ADAMTS12: variants seen among roughly 807,000 people sequenced by gnomAD.
ADAMTS12 encodes ADAM metallopeptidase with thrombospondin type 1 motif 12, also known as A disintegrin and metalloproteinase with thrombospondin motifs 12.
A neutral mutation model predicts 167.8 loss-of-function variants in ADAMTS12; 118 were observed. The observed-to-expected ratio is 0.70, with a 90% CI of 0.61 to 0.82. The LOEUF (loss-of-function observed/expected upper bound fraction) is 0.82. Among genes scored for constraint, ADAMTS12 ranks in the 40% least tolerant of loss-of-function variants. The pLI is 0.00. For missense variants in ADAMTS12, 1,916 were observed against 1,998.8 expected (o/e 0.96, Z 0.79); for synonymous variants, 704 against 716.9 (o/e 0.98, Z 0.29).
chr5:33,868,494 C>T (rs143086988), intron 2 of ADAMTS12, among the ~76,000 whole-genome samples: 102 of 152,310 alleles, frequency 6.7e-4, no homozygotes, highest in African/African-American at 2.3e-3. Context: ...TTTTGTTATA[C>T]ATTAGCAAAC....
intron 16 of ADAMTS12, among the ~76,000 whole-genome samples, chr5:33,598,716 C>G (rs1738036244): frequency 6.6e-6 from 1 of 152,184 alleles, no homozygotes; most frequent in South Asian, 2.1e-4. Flanking sequence ...GATATTAGTT[C>G]ATATTGCCTT....
intron 2 of ADAMTS12, among the ~76,000 whole-genome samples, chr5:33,790,484 C>T (rs1227715977): frequency 2.0e-5 from 3 of 148,592 alleles, no homozygotes; most frequent in South Asian, 2.1e-4. Flanking sequence ...ACCCAGGAGG[C>T]GGAGGTTGCA....
At chr5:33,676,715 G>C (rs959874903) in intron 5 of ADAMTS12, among the ~76,000 whole-genome samples, 17 of 99,734 alleles carry the variant, frequency 1.7e-4, no homozygotes, top group East Asian at 9.6e-4. Context: ...CACAGAGAGA[G>C]AGAGAGAGAG....
chr5:33,723,609 T>G (rs910406510), intron 3 of ADAMTS12, among the ~76,000 whole-genome samples: 1 of 152,172 alleles, frequency 6.6e-6, no homozygotes, highest in Non-Finnish European at 1.5e-5. Flanking sequence ...AAGTCACTTA[T>G]CTTCTCTGCT....
intron 22 of ADAMTS12, among the ~76,000 whole-genome samples, chr5:33,543,852 G>A (rs112034107): frequency 7.9e-4 from 120 of 152,188 alleles, no homozygotes; most frequent in Middle Eastern, 3.4e-3. Flanking sequence ...GGTACTGATG[G>A]AACGTATCTC....
intron 5 of ADAMTS12, among the ~76,000 whole-genome samples, chr5:33,666,651 A>C (rs10472876): frequency 0.34 from 50,941 of 151,744 alleles, 8,865 homozygotes; most frequent in African/African-American, 0.45. Flanking sequence ...CACCACCATG[A>C]CCAGCTAATT....
At chr5:33,633,393 G>C (rs560583765) in intron 12 of ADAMTS12, among the ~76,000 whole-genome samples, 1 of 150,592 alleles carries the variant, frequency 6.6e-6, no homozygotes, top group South Asian at 2.1e-4. Context: ...ACACATGTGT[G>C]TTGACTATAA....
chr5:33,570,080 G>C (rs1303709513), intron 19 of ADAMTS12, among the ~76,000 whole-genome samples: 1 of 152,228 alleles, frequency 6.6e-6, no homozygotes, highest in Non-Finnish European at 1.5e-5. Flanking sequence ...AAGCTTCCAA[G>C]AAATATGGGA....
chr5:33,848,071 G>A (rs532711215), intron 2 of ADAMTS12, among the ~76,000 whole-genome samples: 57 of 152,120 alleles, frequency 3.7e-4, no homozygotes, highest in African/African-American at 1.4e-3. Context: ...AAAAAAAGGA[G>A]CAGGGCATTG....
intron 19 of ADAMTS12, among the ~76,000 whole-genome samples, chr5:33,561,681 T>A (rs1404664244): frequency 6.6e-6 from 1 of 152,200 alleles, no homozygotes; most frequent in African/African-American, 2.4e-5. Context: ...CTTAGGAGGC[T>A]GAGTTGCTAG....
chr5:33,845,664 C>T (rs949034764), intron 2 of ADAMTS12, among the ~76,000 whole-genome samples: 6 of 152,168 alleles, frequency 3.9e-5, no homozygotes, highest in African/African-American at 1.4e-4. Flanking sequence ...AAAAGACTAA[C>T]TTTACAGGAG....
At chr5:33,806,920 C>G (rs543542526) in intron 2 of ADAMTS12, among the ~76,000 whole-genome samples, 2 of 152,338 alleles carry the variant, frequency 1.3e-5, no homozygotes, top group South Asian at 4.1e-4. Flanking sequence ...TGCCCGCACT[C>G]TAACTCCTGC....
intron 2 of ADAMTS12, among the ~76,000 whole-genome samples, chr5:33,823,543 G>T (rs1747941661): frequency 6.6e-6 from 1 of 152,154 alleles, no homozygotes; most frequent in African/African-American, 2.4e-5. Flanking sequence ...GAGAGGTAGT[G>T]GTGGGAGCTA....
At chr5:33,687,092 T>TTC in intron 3 of ADAMTS12, among the ~76,000 whole-genome samples, 1 of 151,290 alleles carries the variant, frequency 6.6e-6, no homozygotes, top group African/African-American at 2.4e-5. Context: ...ACATGAGTTT[T>TTC]TTTTTTTTAA....
intron 2 of ADAMTS12, among the ~76,000 whole-genome samples, chr5:33,769,943 C>A (rs1286087458): frequency 6.6e-6 from 1 of 152,124 alleles, no homozygotes; most frequent in African/African-American, 2.4e-5. Context: ...TATGTATATA[C>A]CCTTCTATAA....
At chr5:33,622,752 T>C (rs908060739) in intron 14 of ADAMTS12, among the ~76,000 whole-genome samples, 1 of 152,216 alleles carries the variant, frequency 6.6e-6, no homozygotes, top group African/African-American at 2.4e-5. Flanking sequence ...CTATAAATAA[T>C]GAAAAATATT....
At chr5:33,671,495 A>C (rs573048053) in intron 5 of ADAMTS12, among the ~76,000 whole-genome samples, 1 of 152,308 alleles carries the variant, frequency 6.6e-6, no homozygotes, top group South Asian at 2.1e-4. Flanking sequence ...ATGAACTCAA[A>C]ACAAACAGAA....
At chr5:33,588,375 C>A (rs1454225162) in intron 18 of ADAMTS12, among the ~76,000 whole-genome samples, 2 of 152,098 alleles carry the variant, frequency 1.3e-5, no homozygotes, top group Admixed American at 1.3e-4. Context: ...GTCTACCTCA[C>A]CCCTGTCAGA....
chr5:33,696,799 G>A (rs1742795997), intron 3 of ADAMTS12, among the ~76,000 whole-genome samples: 2 of 152,164 alleles, frequency 1.3e-5, no homozygotes, highest in Admixed American at 6.5e-5. Flanking sequence ...TATCAATACT[G>A]ACAAACCAGT....
Sources: allele counts gnomAD v4.1 joint callset (sites outside exome capture counted in the v4.1 genomes callset), GRCh38; gene constraint gnomAD v4.1.1; transcripts MANE v1.5; gene names NCBI Gene and HGNC (gene_info 2026-07-23, HGNC 2026-07-21).